The following ARID1B variants were observed in gnomAD, a reference collection of about 807,000 sequenced individuals.
ARID1B encodes the protein AT-rich interactive domain-containing protein 1B.
In ARID1B, 30 loss-of-function variants were observed where a neutral mutation model predicts 212.3. The ratio of observed to expected loss-of-function variants is 0.14; its 90% CI spans 0.11 to 0.19. The LOEUF is 0.19. Ranked by LOEUF, ARID1B falls within the 10% of genes least tolerant of loss-of-function variation. The pLI is 1.00. For synonymous variants in ARID1B, 1,402 were observed against 1,301.7 expected, an observed-to-expected ratio of 1.08 and a Z score of -1.66; for missense variants, 2,891 against 3,204.0, an observed-to-expected ratio of 0.90 and a Z score of 2.36.
chr6:157,141,998 A>C (rs975706306), intron 7 of ARID1B, among the ~76,000 whole-genome samples: 1 of 152,216 alleles, frequency 6.6e-6, no homozygotes, highest in Non-Finnish European at 1.5e-5. Context: ...CGTAATTGCC[A>C]AAAACTGGAA....
At chr6:157,038,640 A>T (rs1781492234) in intron 4 of ARID1B, among the ~76,000 whole-genome samples, 1 of 152,168 alleles carries the variant, frequency 6.6e-6, no homozygotes, top group African/African-American at 2.4e-5. Flanking sequence ...CTAATTCAGT[A>T]TTATTTACAG....
intron 1 of ARID1B, among the ~76,000 whole-genome samples, chr6:156,827,096 A>G (rs1214097911): frequency 6.6e-6 from 1 of 152,186 alleles, no homozygotes; most frequent in Non-Finnish European, 1.5e-5. Context: ...AAATAGAGAA[A>G]ATCCCTGCCC....
chr6:156,939,308 A>G (rs1016771654), intron 4 of ARID1B: 1 of 152,224 alleles, frequency 6.6e-6, no homozygotes, highest in Non-Finnish European at 1.5e-5. Context: ...TTCTTGTTTC[A>G]TAAACATTGG....
intron 4 of ARID1B, chr6:156,938,137 A>G (rs1792404332): frequency 6.6e-6 from 1 of 151,252 alleles, no homozygotes; most frequent in Non-Finnish European, 1.5e-5. Flanking sequence ...TTTTTCCACG[A>G]GGGCTTTGCA....
At chr6:156,799,467 C>T (rs1480779888) in intron 1 of ARID1B, among the ~76,000 whole-genome samples, 2 of 152,158 alleles carry the variant, frequency 1.3e-5, no homozygotes, top group African/African-American at 2.4e-5. Flanking sequence ...CTTGCTTGCG[C>T]ATTCACATCA....
chr6:157,155,724 C>A (rs138953248), intron 8 of ARID1B, among the ~76,000 whole-genome samples: 268 of 152,146 alleles, frequency 1.8e-3, no homozygotes, highest in African/African-American at 6.1e-3. Context: ...TGAATAAATT[C>A]CATAGGGTAG....
chr6:157,115,143 G>A (rs1156713153), intron 6 of ARID1B, among the ~76,000 whole-genome samples: 1 of 152,086 alleles, frequency 6.6e-6, no homozygotes, highest in African/African-American at 2.4e-5. Context: ...TTTATCTGGT[G>A]GTTTTGGTAT....
chr6:157,021,263 G>A (rs1214724211), intron 4 of ARID1B, among the ~76,000 whole-genome samples: 2 of 152,248 alleles, frequency 1.3e-5, no homozygotes, highest in Admixed American at 6.5e-5. Flanking sequence ...CCGCGGTACA[G>A]CGGGGAGACT....
intron 2 of ARID1B, among the ~76,000 whole-genome samples, chr6:156,839,291 C>T (rs936709433): frequency 2.6e-5 from 4 of 152,152 alleles, no homozygotes; most frequent in African/African-American, 9.7e-5. Context: ...TGCTTCACAA[C>T]GTGGTGGAAG....
intron 7 of ARID1B, among the ~76,000 whole-genome samples, chr6:157,142,664 CAA>C (rs1226250632): frequency 6.6e-6 from 1 of 152,026 alleles, no homozygotes; most frequent in Non-Finnish European, 1.5e-5. Context: ...ACAAAAAAAA[CAA>C]TATTTTGTAG....
At chr6:156,863,353 G>A (rs933486229) in intron 2 of ARID1B, among the ~76,000 whole-genome samples, 1 of 152,146 alleles carries the variant, frequency 6.6e-6, no homozygotes, top group African/African-American at 2.4e-5. Flanking sequence ...GCAAGAAGGT[G>A]TGGGATGGGT....
Position 156,940,488 on chromosome 6 carries a change from A to G in ARID1B, c.2247+4912A>G, listed in dbSNP as rs538043794. 7 of 152,346 alleles carry G rather than the reference A, an allele frequency of 4.6e-5. No individual in the cohort carries two copies. In the East Asian group the frequency reaches 7.7e-4, roughly 17 times the overall value. The allele number at this position is 152,346 out of a possible 1,614,324, so 9.4% of individuals were successfully genotyped here. Reference sequence around the variant, plus strand: ...CTTTGTGAAAGGAAGGAGGTAGTAAATGCTGGTCGTTCTTTGAAATAGAGG... The same window carrying G: ...CTTTGTGAAAGGAAGGAGGTAGTAAGTGCTGGTCGTTCTTTGAAATAGAGG... On this transcript the variant is annotated intron_variant, in intron 4 of 19. Transcript: ENST00000636930.
chr6:156,888,945 A>T (rs772666330), intron 2 of ARID1B, among the ~76,000 whole-genome samples: 19 of 152,168 alleles, frequency 1.2e-4, no homozygotes, highest in Non-Finnish European at 2.8e-4. Flanking sequence ...AAATATTGAT[A>T]CCCTAGGTGT....
At chr6:156,894,598 AC>A (rs1788238399) in intron 2 of ARID1B, among the ~76,000 whole-genome samples, 1 of 152,232 alleles carries the variant, frequency 6.6e-6, no homozygotes, top group African/African-American at 2.4e-5. Flanking sequence ...TTTTCACCAC[AC>A]TTGAATACGT....
At chr6:156,895,331 A>C (rs1365731265) in intron 2 of ARID1B, among the ~76,000 whole-genome samples, 1 of 152,140 alleles carries the variant, frequency 6.6e-6, no homozygotes, top group Non-Finnish European at 1.5e-5. Context: ...TTGGGAGGAG[A>C]TCATAATGAA....
intron 8 of ARID1B, chr6:157,150,640 CTA>C (rs1453866975): frequency 5.8e-6 from 1 of 171,116 alleles, no homozygotes; most frequent in Non-Finnish European, 1.3e-5. Context: ...AGCCCCGCAC[CTA>C]TGTGTGGGGG....
intron 13 of ARID1B, among the ~76,000 whole-genome samples, chr6:157,188,569 A>G (rs1452126369): frequency 3.3e-5 from 5 of 152,214 alleles, no homozygotes; most frequent in African/African-American, 4.8e-5. Flanking sequence ...CATTCTACAC[A>G]ATAACATGGA....
At position 157,210,485 on chromosome 6, in the gene ARID1B, G is replaced by A. The variant is rs780474653; in HGVS notation, c.*2594G>A. 4.3e-5 allele frequency: 10 copies of A among 231,816 alleles called. No homozygotes were observed. Among genetic ancestry groups the A allele is most frequent in the East Asian group, 1.2e-4 (2 of 16,408 alleles). The allele number at this position is 231,816 out of a possible 1,614,324, so 14.4% of individuals were successfully genotyped here. On this transcript the variant is annotated 3_prime_UTR_variant, in exon 20 of 20. Transcript: ENST00000636930. ...GCAACAAGTTTTTCTATCCTGATGC[G>A]CAACACAGTCTCTAGAGACTAATCC...
intron 5 of ARID1B, among the ~76,000 whole-genome samples, chr6:157,087,872 C>T (rs768861437): frequency 2.6e-5 from 4 of 151,400 alleles, no homozygotes; most frequent in Admixed American, 1.3e-4. Context: ...GACCGGAAAA[C>T]GAGAGAGAAT....
Sources: allele counts gnomAD v4.1 joint callset (sites outside exome capture counted in the v4.1 genomes callset), GRCh38; gene constraint gnomAD v4.1.1; transcripts MANE v1.5; gene names NCBI Gene and HGNC (gene_info 2026-07-23, HGNC 2026-07-21).